ARMC2: variants seen among roughly 807,000 people sequenced by gnomAD.
ARMC2 encodes armadillo repeat containing 2.
Under a neutral mutation model 90.3 loss-of-function variants are expected in ARMC2, and 67 were observed. The observed-to-expected ratio is 0.74, with a 90% CI of 0.61 to 0.91. The LOEUF is 0.91. Ranked by LOEUF, ARMC2 falls within the 40% of genes least tolerant of loss-of-function variation. The pLI, the probability that ARMC2 is intolerant of heterozygous loss-of-function variation, is 0.00. For missense variants in ARMC2, 920 were observed against 1,030.9 expected, an observed-to-expected ratio of 0.89 and a Z score of 1.47; for synonymous variants, 393 against 393.0, an observed-to-expected ratio of 1.00 and a Z score of 0.00.
chr6:109,003,904 A>G, the ARMC2 span, among the ~76,000 whole-genome samples: 13 of 152,200 alleles, frequency 8.5e-5, no homozygotes, highest in Non-Finnish European at 1.5e-5. Context: ...TATCCCCTCT[A>G]ATTTCTTTAA....
At chr6:109,044,311 CAAAAAAAAAAAAAAAAAAAAAA>C in the ARMC2 span, among the ~76,000 whole-genome samples, 1 of 28,458 alleles carries the variant, frequency 3.5e-5, no homozygotes, top group Non-Finnish European at 5.4e-5. Context: ...GAACTTGCCT[CAAAAAAAAAAAAAAAAAAAAAA>C]AAAAAAAAAA....
the ARMC2 span, among the ~76,000 whole-genome samples, chr6:109,042,576 A>G: frequency 6.6e-6 from 1 of 151,774 alleles, no homozygotes; most frequent in African/African-American, 2.4e-5. Context: ...TAATAATGGA[A>G]TACTGTGAAC....
intron 5 of ARMC2, among the ~76,000 whole-genome samples, chr6:108,886,405 A>C (rs1184689413): frequency 6.6e-6 from 1 of 152,162 alleles, no homozygotes; most frequent in African/African-American, 2.4e-5. Context: ...TAAAAATCCA[A>C]AAATTAGCCG....
At chr6:108,912,302 TCAGA>T (rs1249128305) in intron 9 of ARMC2, 29 bp from the exon 10 acceptor site, 2 of 1,479,244 alleles carry the variant, frequency 1.4e-6, no homozygotes, top group Non-Finnish European at 1.9e-6. Context: ...GCTGTTATAC[TCAGA>T]CATTTATAAT....
At chr6:109,027,525 G>C in the ARMC2 span, among the ~76,000 whole-genome samples, 1 of 146,418 alleles carries the variant, frequency 6.8e-6, no homozygotes, top group Admixed American at 6.8e-5. Flanking sequence ...CCAATGCTCA[G>C]CATTGTCAAT....
At chr6:108,992,822 T>G in the ARMC2 span, 3 of 1,613,610 alleles carry the variant, frequency 1.9e-6, no homozygotes, top group Non-Finnish European at 2.5e-6. Flanking sequence ...ATCCCATGTC[T>G]AGAGAAATCT....
chr6:109,011,016 AATG>A, the ARMC2 span, among the ~76,000 whole-genome samples: 1 of 152,226 alleles, frequency 6.6e-6, no homozygotes, highest in African/African-American at 2.4e-5. Context: ...GTATGTGAAA[AATG>A]ATGACTCTGG....
At chr6:108,926,873 T>C (rs1421139220) in intron 10 of ARMC2, among the ~76,000 whole-genome samples, 2 of 152,162 alleles carry the variant, frequency 1.3e-5, no homozygotes, top group Non-Finnish European at 1.5e-5. Context: ...TACAGAATCA[T>C]TGTATAATTG....
intron 15 of ARMC2, 60 bp from the exon 16 acceptor site, chr6:108,964,120 C>T: frequency 6.4e-7 from 1 of 1,570,422 alleles, no homozygotes; most frequent in Non-Finnish European, 8.6e-7. Context: ...ATCTGTAAAA[C>T]AAGAGACAGC....
intron 4 of ARMC2, among the ~76,000 whole-genome samples, chr6:108,871,249 C>A (rs1355172905): frequency 6.6e-6 from 1 of 152,070 alleles, no homozygotes; most frequent in Non-Finnish European, 1.5e-5. Context: ...GGAAAACACA[C>A]CCAGCTGTGT....
the ARMC2 span, chr6:108,988,267 T>A: frequency 3.7e-6 from 1 of 273,432 alleles, no homozygotes; most frequent in African/African-American, 2.2e-5. Flanking sequence ...CACTTCTACC[T>A]ATACACAGCT....
Position 108,856,147 on chromosome 6 carries a change from T to A in ARMC2, c.218+1662T>A, listed in dbSNP as rs1774578022. ...TCGCAATACGCAAGGTTTTCTAGAC[T>A]TTGTCCTATGTTATATTTTAGAGAT... is the stretch of plus-strand genomic sequence containing the variant. On this transcript the variant is annotated intron_variant, in intron 2 of 17. Coordinates refer to ENST00000392644, the MANE Select transcript of ARMC2 (RefSeq NM_032131.6). Among the ~76,000 whole-genome samples, 5 of 152,328 alleles carry A rather than the reference T, an allele frequency of 3.3e-5. No homozygotes were observed. In the South Asian group the frequency reaches 1.0e-3, roughly 32 times the overall value.
chr6:109,038,917 G>A, the ARMC2 span, among the ~76,000 whole-genome samples: 2 of 150,548 alleles, frequency 1.3e-5, no homozygotes, highest in Non-Finnish European at 3.0e-5. Context: ...AAGGAAGGAG[G>A]AGGAGGAGGA....
the ARMC2 span, among the ~76,000 whole-genome samples, chr6:109,036,175 G>A: frequency 6.6e-6 from 1 of 152,016 alleles, no homozygotes; most frequent in African/African-American, 2.4e-5. Context: ...GAGTGTTGTT[G>A]GAATTCTCAG....
chr6:108,964,966 T>C lies in ARMC2; in HGVS notation c.2286-14T>C, dbSNP rs1183507628. 1 of 1,570,988 alleles carries C rather than the reference T, an allele frequency of 6.4e-7. No homozygotes were observed. The highest frequency in any genetic ancestry group is 1.8e-5 in the Admixed American group (1 of 56,906). The stretch of plus-strand genomic sequence containing the variant: ...TGACCTAATAACTTCTCAATTTGAA[T>C]TTTATTAACTCAGGTTAGTGGACTG... On this transcript the variant is annotated splice_polypyrimidine_tract_variant and intron_variant, in intron 16 of 17. Coordinates refer to ENST00000392644, the MANE Select transcript of ARMC2 (RefSeq NM_032131.6).
At position 108,953,126 on chromosome 6, in the gene ARMC2, C is replaced by A. The variant is rs781413999; in HGVS notation, c.1690C>A (p.Gln564Lys). 3.1e-6 allele frequency: 5 copies of A among 1,613,856 alleles called. No individual in the cohort carries two copies. Among genetic ancestry groups the A allele is most frequent in the East Asian group, 2.2e-5 (1 of 44,896 alleles). ...EQFSKEKGSIQTLLSLFQTFH... is the reference protein window; with the variant it reads ...EQFSKEKGSIKTLLSLFQTFH... ...ATTTTCCAAAGAGAAAGGGAGCATC[C>A]AAACTCTGCTGTCATTATTCCAGAC... Residue 564 changes from glutamine (Q) to lysine (K), a missense_variant, in exon 13 of 18, where the codon CAA becomes AAA. Gln to Lys is a moderately conservative substitution (Grantham distance 53). Transcript: ENST00000392644.
chr6:108,944,891 G>C (rs1487136793), intron 12 of ARMC2, among the ~76,000 whole-genome samples: 1 of 152,056 alleles, frequency 6.6e-6, no homozygotes, highest in Non-Finnish European at 1.5e-5. Flanking sequence ...CGCAGGGAGA[G>C]CAAGGGAAAC....
Position 108,968,771 on chromosome 6 carries a change from T to A in ARMC2, c.2446+3631T>A, listed in dbSNP as rs150459727. On this transcript the variant is annotated intron_variant, in intron 17 of 17. Transcript: ENST00000392644. ...AAGGCCTGTGTTGAAGTATGAACAC[T>A]GTTTTTGCAAATACTGGTATGGCAA... Among the ~76,000 whole-genome samples, 59 of 152,344 alleles carry A rather than the reference T, an allele frequency of 3.9e-4. No individual in the cohort carries two copies. The East Asian group carries it at 0.011, about 29-fold the overall frequency.
intron 10 of ARMC2, among the ~76,000 whole-genome samples, chr6:108,920,702 G>A (rs1284187095): frequency 6.6e-6 from 1 of 152,170 alleles, no homozygotes; most frequent in African/African-American, 2.4e-5. Context: ...GGATGTGGCT[G>A]ATAGCTGAGG....
Sources: gnomAD v4.1 joint callset for allele counts (sites outside exome capture counted in the v4.1 genomes callset) on GRCh38, gnomAD v4.1.1 for gene constraint, MANE v1.5 for transcripts, NCBI Gene and HGNC (gene_info 2026-07-23, HGNC 2026-07-21) for gene names.